Variants in DDAH1 observed in about 807,000 individuals in gnomAD.
DDAH1 encodes the protein dimethylarginine dimethylaminohydrolase 1, also known as N(G),N(G)-dimethylarginine dimethylaminohydrolase 1.
Under a neutral mutation model 28.8 loss-of-function variants are expected in DDAH1, and 19 were observed. That is an observed-to-expected ratio of 0.66 (90% CI 0.46 to 0.97). The LOEUF (loss-of-function observed/expected upper bound fraction) is 0.97. DDAH1 is among the 50% of genes least tolerant of loss of function. The pLI, the probability that DDAH1 is intolerant of heterozygous loss-of-function variation, is 0.00. For synonymous variants in DDAH1, 153 were observed against 154.4 expected (o/e 0.99, Z 0.07); for missense variants, 326 against 375.9 (o/e 0.87, Z 1.10).
intron 1 of DDAH1, among the ~76,000 whole-genome samples, chr1:85,457,683 C>T (rs763691750): frequency 5.9e-5 from 9 of 152,118 alleles, no homozygotes; most frequent in African/African-American, 1.9e-4. Flanking sequence ...AAAATAATGA[C>T]GACAGAATCA....
chr1:85,357,109 T>C (rs1649529765), intron 2 of DDAH1, among the ~76,000 whole-genome samples: 1 of 152,218 alleles, frequency 6.6e-6, no homozygotes, highest in South Asian at 2.1e-4. Context: ...TCAAAAAGAA[T>C]GAAAGTGCCA....
At chr1:85,480,591 AAAAAGT>A (rs1655973649) in intron 2 of DDAH1, among the ~76,000 whole-genome samples, 2 of 152,118 alleles carry the variant, frequency 1.3e-5, no homozygotes, top group South Asian at 4.1e-4. Flanking sequence ...CTAAAAATAC[AAAAAGT>A]AGCTGGGTGT....
At chr1:85,451,733 G>C (rs1279781359) in intron 1 of DDAH1, among the ~76,000 whole-genome samples, 1 of 152,168 alleles carries the variant, frequency 6.6e-6, no homozygotes, top group African/African-American at 2.4e-5. Flanking sequence ...TGAATCTTGT[G>C]CTGATTTGAT....
intron 2 of DDAH1, among the ~76,000 whole-genome samples, chr1:85,488,048 G>A (rs1656263265): frequency 6.6e-6 from 1 of 152,014 alleles, no homozygotes; most frequent in African/African-American, 2.4e-5. Flanking sequence ...AGCCAGGTGT[G>A]GTGGTGCACA....
chr1:85,429,545 TG>T (rs1215116911), intron 1 of DDAH1, among the ~76,000 whole-genome samples: 1 of 152,226 alleles, frequency 6.6e-6, no homozygotes, highest in Non-Finnish European at 1.5e-5. Context: ...ATGGGATTGC[TG>T]GGTCAAATGG....
Position 85,465,052 on chromosome 1 carries a change from G to C in DDAH1, c.-7C>G. ...GGTGGCCGAGCCCGGCCATGGCTTCGGGAGGCTTAGGGGCGGCGGCGGCGG... is the reference window on the plus strand; with the variant it reads ...GGTGGCCGAGCCCGGCCATGGCTTCCGGAGGCTTAGGGGCGGCGGCGGCGG... On this transcript the variant is annotated 5_prime_UTR_variant, in exon 1 of 6. Coordinates refer to ENST00000284031, the MANE Select transcript of DDAH1 (RefSeq NM_012137.4). The C allele has an allele frequency of 7.8e-7, 1 of 1,289,724 alleles. No individual in the cohort carries two copies. Among genetic ancestry groups the C allele is most frequent in the Non-Finnish European group, 9.8e-7 (1 of 1,021,542 alleles). The allele number at this position is 1,289,724 out of a possible 1,614,324, so 79.9% of individuals were successfully genotyped here.
At chr1:85,323,059 T>G (rs1279568681) in intron 5 of DDAH1, among the ~76,000 whole-genome samples, 1 of 152,202 alleles carries the variant, frequency 6.6e-6, no homozygotes, top group East Asian at 1.9e-4. Flanking sequence ...GAGTACTCTA[T>G]TTTCCTCAGG....
intron 4 of DDAH1, among the ~76,000 whole-genome samples, chr1:85,336,852 G>C (rs1648162882): frequency 6.6e-6 from 1 of 151,966 alleles, no homozygotes; most frequent in Non-Finnish European, 1.5e-5. Flanking sequence ...ATTTCATGAG[G>C]CCGGGATTAC....
intron 1 of DDAH1, among the ~76,000 whole-genome samples, chr1:85,503,511 T>C (rs1191913065): frequency 6.8e-6 from 1 of 147,868 alleles, no homozygotes; most frequent in African/African-American, 2.5e-5. Context: ...TGATGTTCTT[T>C]AAAGTTCATC....
chr1:85,565,589 A>C (rs1164105765), intron 1 of DDAH1, among the ~76,000 whole-genome samples: 2 of 152,190 alleles, frequency 1.3e-5, no homozygotes, highest in Non-Finnish European at 2.9e-5. Context: ...AAAAAAGAAA[A>C]TAAAAAAAAG....
chr1:85,577,837 A>C, intron 1 of DDAH1: 1 of 332,650 alleles, frequency 3.0e-6, no homozygotes, highest in Non-Finnish European at 4.3e-6. Flanking sequence ...GCAGAAGACA[A>C]GTAGCCCCTT....
chr1:85,496,745 G>A (rs2100734548), intron 1 of DDAH1, among the ~76,000 whole-genome samples: 1 of 152,142 alleles, frequency 6.6e-6, no homozygotes, highest in East Asian at 1.9e-4. Context: ...TTTGTTTCCT[G>A]TTTGGTTGAG....
At chr1:85,430,731 A>C (rs958999089) in intron 1 of DDAH1, among the ~76,000 whole-genome samples, 1 of 152,136 alleles carries the variant, frequency 6.6e-6, no homozygotes, top group Admixed American at 6.5e-5. Flanking sequence ...TGATTTTTGC[A>C]TGTTGATTTT....
chr1:85,577,061 C>T (rs2100578555), intron 1 of DDAH1, among the ~76,000 whole-genome samples: 1 of 152,192 alleles, frequency 6.6e-6, no homozygotes, highest in Non-Finnish European at 1.5e-5. Context: ...TCCTGCGCCG[C>T]GCGCCGCCGG....
chr1:85,348,502 C>A (rs1649003214), intron 4 of DDAH1, among the ~76,000 whole-genome samples: 1 of 152,202 alleles, frequency 6.6e-6, no homozygotes, highest in Admixed American at 6.5e-5. Flanking sequence ...TGGAAACCCA[C>A]TAGAAACTCT....
rs1394323061 is a variant in DDAH1, at chr1:85,382,712, TC to T, written c.304-23866del. On this transcript the variant is annotated intron_variant, in intron 1 of 5. Transcript: ENST00000284031. ...AAAGCTTCAAAACACAGGCTGACTC[TC>T]TTGTTAGAGGTTAATGGAGCTGGTT... is the stretch of plus-strand genomic sequence containing the variant. 2.0e-5 allele frequency among the ~76,000 whole-genome samples: 3 copies of T among 152,354 alleles called. No homozygotes were observed. In the East Asian group the frequency reaches 5.8e-4, roughly 29 times the overall value.
intron 1 of DDAH1, among the ~76,000 whole-genome samples, chr1:85,557,168 A>G (rs1202989545): frequency 6.6e-6 from 1 of 152,150 alleles, no homozygotes; most frequent in African/African-American, 2.4e-5. Flanking sequence ...AAATAAGACC[A>G]ACATCTAGAT....
At chr1:85,530,383 C>A (rs1271909322) in intron 1 of DDAH1, among the ~76,000 whole-genome samples, 1 of 152,074 alleles carries the variant, frequency 6.6e-6, no homozygotes, top group Non-Finnish European at 1.5e-5. Context: ...ATGAAATTGT[C>A]ATTTAGTAGG....
intron 3 of DDAH1, 76 bp from the exon 4 acceptor site, chr1:85,350,610 T>TA: frequency 6.7e-7 from 1 of 1,485,912 alleles, no homozygotes; most frequent in South Asian, 1.3e-5. Context: ...CTCCCTGAAA[T>TA]ACACCTACTT....
Sources: gnomAD v4.1 joint callset for allele counts (sites outside exome capture counted in the v4.1 genomes callset) on GRCh38, gnomAD v4.1.1 for gene constraint, MANE v1.5 for transcripts, NCBI Gene and HGNC (gene_info 2026-07-23, HGNC 2026-07-21) for gene names.